The following HDAC9 variants were observed in gnomAD, a reference collection of about 807,000 sequenced individuals.
The protein encoded by HDAC9 is histone deacetylase 9, also known as MEF-2 interacting transcription repressor (MITR) protein.
A neutral mutation model predicts 139.4 loss-of-function variants in HDAC9; 41 were observed. The observed-to-expected ratio is 0.29, with a 90% CI of 0.23 to 0.38. The LOEUF is 0.38. Among genes scored for constraint, HDAC9 ranks in the 10% least tolerant of loss-of-function variants. The probability of loss-of-function intolerance (pLI) is 1.00; values close to 1 mark genes in which losing one functional copy is unlikely to be tolerated. For missense variants in HDAC9, 1,147 were observed against 1,297.0 expected, an observed-to-expected ratio of 0.88 and a Z score of 1.78; for synonymous variants, 517 against 476.2, an observed-to-expected ratio of 1.09 and a Z score of -1.12.
intron 2 of HDAC9, among the ~76,000 whole-genome samples, chr7:18,177,088 C>A (rs1324838534): frequency 6.6e-6 from 1 of 152,184 alleles, no homozygotes; most frequent in African/African-American, 2.4e-5. Flanking sequence ...TGATAATCCG[C>A]CTACCCATCT....
At chr7:18,482,426 G>A (rs1345103926) in intron 1 of HDAC9, among the ~76,000 whole-genome samples, 1 of 68,446 alleles carries the variant, frequency 1.5e-5, no homozygotes, top group Non-Finnish European at 3.0e-5. Flanking sequence ...AATTCTCCTT[G>A]GCTGCCACGT....
intron 14 of HDAC9, among the ~76,000 whole-genome samples, chr7:18,752,827 T>C (rs1172158146): frequency 6.6e-6 from 1 of 152,126 alleles, no homozygotes; most frequent in East Asian, 1.9e-4. Flanking sequence ...ACCACGTCTG[T>C]GTAGCCACTT....
intron 2 of HDAC9, among the ~76,000 whole-genome samples, chr7:18,539,579 T>C (rs190502223): frequency 1.3e-5 from 2 of 152,368 alleles, no homozygotes; most frequent in East Asian, 3.9e-4. Flanking sequence ...TCTAAGATGG[T>C]AACATGGAAA....
intron 24 of HDAC9, among the ~76,000 whole-genome samples, chr7:18,968,875 T>C (rs1190361137): frequency 2.2e-5 from 3 of 139,006 alleles, no homozygotes; most frequent in African/African-American, 8.1e-5. Flanking sequence ...AGGAGAATGG[T>C]GTGAACCCGG....
chr7:18,155,073 T>TTTTCTTTCTTTCTTTCTTTCTTTC (rs34168137), intron 1 of HDAC9, among the ~76,000 whole-genome samples: 8 of 148,928 alleles, frequency 5.4e-5, no homozygotes, highest in East Asian at 2.0e-4. Flanking sequence ...ACAAAGCTTT[T>TTTTCTTTCTTTCTTTCTTTCTTTC]TTTCTTTCTT....
intron 2 of HDAC9, among the ~76,000 whole-genome samples, chr7:18,536,754 G>T (rs1035222098): frequency 6.6e-6 from 1 of 152,076 alleles, no homozygotes; most frequent in Non-Finnish European, 1.5e-5. Flanking sequence ...AAGGAAATAG[G>T]AGATTATTAA....
intron 13 of HDAC9, among the ~76,000 whole-genome samples, chr7:18,738,742 G>T (rs1342988557): frequency 6.6e-6 from 1 of 151,990 alleles, no homozygotes; most frequent in East Asian, 1.9e-4. Flanking sequence ...TGTGTCTTGG[G>T]GTTGCACTTC....
chr7:18,427,303 C>A (rs1790204217), intron 1 of HDAC9, among the ~76,000 whole-genome samples: 1 of 152,066 alleles, frequency 6.6e-6, no homozygotes, highest in Non-Finnish European at 1.5e-5. Flanking sequence ...TTACCCAGTC[C>A]CCAATTGCCA....
chr7:18,619,648 C>T (rs1055349422), intron 6 of HDAC9, among the ~76,000 whole-genome samples: 1 of 152,166 alleles, frequency 6.6e-6, no homozygotes, highest in Admixed American at 6.5e-5. Flanking sequence ...TGTCTACATT[C>T]TGAGAAGGAG....
chr7:18,431,838 C>T (rs112311085), intron 1 of HDAC9, among the ~76,000 whole-genome samples: 2,408 of 152,232 alleles, frequency 0.016, 60 homozygotes, highest in African/African-American at 0.052. Context: ...AGAAAAATCA[C>T]GAAGTCAGTT....
intron 5 of HDAC9, 52 bp from the exon 6 acceptor site, chr7:18,593,856 A>G: frequency 1.9e-6 from 3 of 1,602,616 alleles, no homozygotes; most frequent in Non-Finnish European, 2.6e-6. Flanking sequence ...TTGCTGACCA[A>G]TATGCAGTAA....
intron 21 of HDAC9, among the ~76,000 whole-genome samples, chr7:18,848,232 G>T (rs546659979): frequency 6.6e-6 from 1 of 152,262 alleles, no homozygotes; most frequent in South Asian, 2.1e-4. Context: ...ATTTTTGCCA[G>T]TGATGAACAT....
At chr7:18,733,026 T>C (rs147483059) in intron 13 of HDAC9, among the ~76,000 whole-genome samples, 119 of 146,432 alleles carry the variant, frequency 8.1e-4, no homozygotes, top group South Asian at 3.6e-3. Context: ...TGTGTATATA[T>C]GTATATATAC....
At chr7:18,580,901 A>G (rs886637802) in intron 2 of HDAC9, among the ~76,000 whole-genome samples, 2 of 152,174 alleles carry the variant, frequency 1.3e-5, no homozygotes, top group African/African-American at 4.8e-5. Flanking sequence ...TGTTACTATT[A>G]TTTCTCCTGG....
chr7:18,878,123 G>A (rs1047473962), intron 22 of HDAC9, among the ~76,000 whole-genome samples: 1 of 152,088 alleles, frequency 6.6e-6, no homozygotes, highest in African/African-American at 2.4e-5. Context: ...ACTAAGTGCT[G>A]TATTCAAACA....
At chr7:18,814,961 A>G (rs767397140) in intron 17 of HDAC9, among the ~76,000 whole-genome samples, 1 of 152,162 alleles carries the variant, frequency 6.6e-6, no homozygotes, top group Non-Finnish European at 1.5e-5. Context: ...TAGGTAACGA[A>G]TGATGGTGAA....
chr7:18,293,409 C>CA (rs1797944731), intron 1 of HDAC9, among the ~76,000 whole-genome samples: 1 of 151,400 alleles, frequency 6.6e-6, no homozygotes, highest in African/African-American at 2.4e-5. Context: ...ATCGCAAGGA[C>CA]AAAAAACCAA....
chr7:18,512,815 T>A (rs537839676), intron 2 of HDAC9, among the ~76,000 whole-genome samples: 1 of 152,280 alleles, frequency 6.6e-6, no homozygotes, highest in South Asian at 2.1e-4. Context: ...TTCCAGAAAT[T>A]CAAATATACG....
chr7:18,912,394 G>A (rs1272848199), intron 22 of HDAC9, among the ~76,000 whole-genome samples: 2 of 152,052 alleles, frequency 1.3e-5, no homozygotes, highest in Non-Finnish European at 2.9e-5. Context: ...TATCCAATAA[G>A]TGGGTATAAG....
Sources: gnomAD v4.1 joint callset for allele counts (sites outside exome capture counted in the v4.1 genomes callset) on GRCh38, gnomAD v4.1.1 for gene constraint, MANE v1.5 for transcripts, NCBI Gene and HGNC (gene_info 2026-07-23, HGNC 2026-07-21) for gene names.